Variants in RBFOX1 observed in about 807,000 individuals in gnomAD.
RBFOX1 encodes the protein RNA binding fox-1 homolog 1.
Under a neutral mutation model 57.7 loss-of-function variants are expected in RBFOX1, and 8 were observed. The ratio of observed to expected loss-of-function variants is 0.14; its 90% CI spans 0.08 to 0.25. The LOEUF (loss-of-function observed/expected upper bound fraction) is 0.25, where lower values mean the gene tolerates loss of function less well. Ranked by LOEUF, RBFOX1 falls within the 10% of genes least tolerant of loss-of-function variation. RBFOX1 has a pLI of 1.00. For synonymous variants in RBFOX1, 326 were observed against 222.4 expected (o/e 1.47, Z -4.15); for missense variants, 611 against 548.5 (o/e 1.11, Z -1.14).
chr16:5,481,643 T>A (rs769771814), intron 2 of RBFOX1, among the ~76,000 whole-genome samples: 2 of 152,236 alleles, frequency 1.3e-5, no homozygotes, highest in Non-Finnish European at 2.9e-5. Flanking sequence ...TTCCCTAAAA[T>A]GTCACAGTCA....
At chr16:5,825,515 G>C (rs528634418) in intron 3 of RBFOX1, among the ~76,000 whole-genome samples, 78 of 152,200 alleles carry the variant, frequency 5.1e-4, no homozygotes, top group Non-Finnish European at 5.6e-4. Flanking sequence ...TCATAAACTT[G>C]GATGGAAAAA....
chr16:7,467,880 T>C (rs1217031395), intron 4 of RBFOX1, among the ~76,000 whole-genome samples: 1 of 152,242 alleles, frequency 6.6e-6, no homozygotes, highest in African/African-American at 2.4e-5. Flanking sequence ...CCTGATCTGA[T>C]TCAGCCCAAG....
intron 2 of RBFOX1, among the ~76,000 whole-genome samples, chr16:6,330,436 C>T (rs138479534): frequency 6.6e-6 from 1 of 152,268 alleles, no homozygotes; most frequent in Non-Finnish European, 1.5e-5. Context: ...CCTCTAGTCC[C>T]CACTATGAAG....
chr16:5,310,966 G>A (rs1463691922), intron 1 of RBFOX1, among the ~76,000 whole-genome samples: 4 of 152,126 alleles, frequency 2.6e-5, no homozygotes, highest in African/African-American at 9.7e-5. Flanking sequence ...AGTGTACCCA[G>A]TATGTAGTTT....
chr16:5,979,056 A>G (rs1324944215), intron 4 of RBFOX1, among the ~76,000 whole-genome samples: 1 of 152,252 alleles, frequency 6.6e-6, no homozygotes, highest in Non-Finnish European at 1.5e-5. Flanking sequence ...AACCATGGAC[A>G]ATGGTTTAAC....
chr16:6,275,421 G>A (rs192904029), intron 1 of RBFOX1, among the ~76,000 whole-genome samples: 133 of 152,274 alleles, frequency 8.7e-4, no homozygotes, highest in Middle Eastern at 3.4e-3. Context: ...GTGCTTGACT[G>A]CTTTCAGAAT....
chr16:6,834,188 C>A (rs1022147541), intron 3 of RBFOX1, among the ~76,000 whole-genome samples: 1 of 152,078 alleles, frequency 6.6e-6, no homozygotes, highest in Non-Finnish European at 1.5e-5. Flanking sequence ...ATTGTCCTGC[C>A]TCAGCCTCCC....
At chr16:5,632,056 C>G (rs2151306312) in intron 3 of RBFOX1, among the ~76,000 whole-genome samples, 1 of 152,266 alleles carries the variant, frequency 6.6e-6, no homozygotes, top group South Asian at 2.1e-4. Flanking sequence ...CCTACTTAAG[C>G]TAGGAAGCCA....
Position 5,809,189 on chromosome 16 carries a change from CT to C in RBFOX1, c.319-58112del, listed in dbSNP as rs1432929147. 2.0e-5 allele frequency among the ~76,000 whole-genome samples: 3 copies of C among 152,162 alleles called. No individual in the cohort carries two copies. In the East Asian group the frequency reaches 5.8e-4, roughly 29 times the overall value. ...AAATTAATTCAAGATGGATTCAAGA[CT>C]TAAACATTAGACCTAAAACCATAAA... On this transcript the variant is annotated intron_variant, in intron 3 of 19. Transcript: ENST00000641259.
At chr16:7,550,833 C>G (rs1247461648) in intron 5 of RBFOX1, among the ~76,000 whole-genome samples, 1 of 152,054 alleles carries the variant, frequency 6.6e-6, no homozygotes, top group Non-Finnish European at 1.5e-5. Flanking sequence ...GTGACTCACT[C>G]CCATAATCCG....
chr16:5,996,492 T>G (rs2060493133), intron 4 of RBFOX1, among the ~76,000 whole-genome samples: 1 of 151,094 alleles, frequency 6.6e-6, no homozygotes, highest in South Asian at 2.1e-4. Context: ...AGAGGTTTTG[T>G]GTGTAGATTA....
At chr16:7,474,450 A>C (rs1486099901) in intron 4 of RBFOX1, among the ~76,000 whole-genome samples, 106 of 152,322 alleles carry the variant, frequency 7.0e-4, no homozygotes, top group African/African-American at 2.5e-3. Context: ...AATTAAGGAT[A>C]ACATCTCCAC....
At chr16:6,406,480 T>G (rs1166526801) in intron 2 of RBFOX1, among the ~76,000 whole-genome samples, 4 of 152,196 alleles carry the variant, frequency 2.6e-5, no homozygotes, top group Admixed American at 6.5e-5. Flanking sequence ...TTTATTACTT[T>G]CCTACATGAG....
intron 1 of RBFOX1, among the ~76,000 whole-genome samples, chr16:6,205,438 A>G (rs557295813): frequency 2.6e-5 from 4 of 152,306 alleles, no homozygotes; most frequent in African/African-American, 9.6e-5. Context: ...CTTTCAGATG[A>G]CTTTAGGGGA....
Position 5,349,026 on chromosome 16 carries a change from A to G in RBFOX1, c.219+108921A>G, listed in dbSNP as rs528981079. On this transcript the variant is annotated intron_variant, in intron 1 of 2. Coordinates refer to the RBFOX1 transcript ENST00000585867. The stretch of plus-strand genomic sequence containing the variant: ...TCCAGAACAACTGTGTCATTTTACA[A>G]TCCCATCCAAAATGTGCAGGGGCTC... 5.1e-4 allele frequency among the ~76,000 whole-genome samples: 77 copies of G among 152,308 alleles called. 1 individual carries two copies. Among genetic ancestry groups the G allele is most frequent in the African/African-American group, 1.7e-3 (71 of 41,554 alleles).
At chr16:6,949,553 A>G (rs937415020) in intron 3 of RBFOX1, among the ~76,000 whole-genome samples, 9 of 147,216 alleles carry the variant, frequency 6.1e-5, no homozygotes, top group Non-Finnish European at 1.2e-4. Context: ...ACTGATGACG[A>G]TCTTCGGGGT....
intron 2 of RBFOX1, among the ~76,000 whole-genome samples, chr16:5,512,188 C>T (rs183968757): frequency 1.1e-4 from 17 of 152,066 alleles, no homozygotes; most frequent in African/African-American, 3.4e-4. Context: ...GGAGTTTGCA[C>T]GAGGGTGAGC....
intron 3 of RBFOX1, among the ~76,000 whole-genome samples, chr16:6,834,699 C>T (rs1281196483): frequency 6.6e-6 from 1 of 152,084 alleles, no homozygotes; most frequent in Admixed American, 6.5e-5. Flanking sequence ...TGTTGTCATG[C>T]TAAGTGATAT....
At chr16:6,830,206 C>G (rs747999032) in intron 3 of RBFOX1, among the ~76,000 whole-genome samples, 34 of 152,174 alleles carry the variant, frequency 2.2e-4, no homozygotes, top group Non-Finnish European at 4.8e-4. Flanking sequence ...TGTGAGCCAC[C>G]ATGCCTGGCT....
Sources: allele counts gnomAD v4.1 joint callset (sites outside exome capture counted in the v4.1 genomes callset), GRCh38; gene constraint gnomAD v4.1.1; transcripts MANE v1.5; gene names NCBI Gene and HGNC (gene_info 2026-07-23, HGNC 2026-07-21).